AHCY: variants seen among roughly 807,000 people sequenced by gnomAD.
The protein encoded by AHCY is adenosylhomocysteinase.
Under a neutral mutation model 45.4 loss-of-function variants are expected in AHCY, and 24 were observed. The observed-to-expected ratio is 0.53, with a 90% confidence interval of 0.38 to 0.74. The LOEUF is 0.74. Ranked by LOEUF, AHCY falls within the 30% of genes least tolerant of loss-of-function variation. The pLI is 0.00. For synonymous variants in AHCY, 245 were observed against 235.1 expected, an observed-to-expected ratio of 1.04 and a Z score of -0.39; for missense variants, 449 against 594.1, an observed-to-expected ratio of 0.76 and a Z score of 2.54.
At chr20:34,274,107 T>C in the AHCY span, among the ~76,000 whole-genome samples, 2 of 152,210 alleles carry the variant, frequency 1.3e-5, no homozygotes, top group African/African-American at 4.8e-5. Context: ...TCGTGGACTC[T>C]ATGGCTGTAT....
chr20:34,269,946 TAAAAAAAAAAAAAAAAAAAAAAAAA>T, the AHCY span, among the ~76,000 whole-genome samples: 3 of 59,236 alleles, frequency 5.1e-5, no homozygotes, highest in African/African-American at 9.0e-5. Context: ...AACTCTGTCT[TAAAAAAAAAAAAAAAAAAAAAAAAA>T]AAAAAAAACA....
chr20:34,303,419 G>A, upstream of AHCY: 1 of 1,201,240 alleles, frequency 8.3e-7, no homozygotes, highest in Non-Finnish European at 1.2e-6. Flanking sequence ...TGACCCGCTG[G>A]GGCGGGGCCC....
chr20:34,275,334 G>A (rs996509985), downstream of AHCY, among the ~76,000 whole-genome samples: 1 of 151,988 alleles, frequency 6.6e-6, no homozygotes. Context: ...GTTTCACCAC[G>A]TTGGCCAGGC....
intron 9 of AHCY, 22 bp from the exon 10 acceptor site, chr20:34,281,187 C>T (rs1206035685): frequency 6.2e-7 from 1 of 1,611,916 alleles, no homozygotes; most frequent in Non-Finnish European, 8.5e-7. Flanking sequence ...CAAAGGAAGA[C>T]CGGGAATCAG....
At chr20:34,300,117 G>C (rs187315273) in intron 1 of AHCY, among the ~76,000 whole-genome samples, 1 of 152,078 alleles carries the variant, frequency 6.6e-6, no homozygotes, top group Non-Finnish European at 1.5e-5. Flanking sequence ...CCTGGGAGGC[G>C]GAGGTGGCAG....
At chr20:34,270,946 C>A in the AHCY span, among the ~76,000 whole-genome samples, 1 of 151,658 alleles carries the variant, frequency 6.6e-6, no homozygotes, top group East Asian at 1.9e-4. Context: ...ACATGAGCCA[C>A]TGGGCCCAGC....
At chr20:34,302,770 C>T in intron 1 of AHCY, 1 of 992,540 alleles carries the variant, frequency 1.0e-6, no homozygotes, top group Non-Finnish European at 1.2e-6. Flanking sequence ...CGGCCTGGGG[C>T]TCGCTTTCCA....
At chr20:34,238,631 G>T in the AHCY span, among the ~76,000 whole-genome samples, 2 of 151,520 alleles carry the variant, frequency 1.3e-5, no homozygotes, top group Non-Finnish European at 2.9e-5. Context: ...TAATATATTT[G>T]TCTAGTAGGT....
the AHCY span, among the ~76,000 whole-genome samples, chr20:34,252,355 G>C: frequency 2.0e-5 from 3 of 152,170 alleles, no homozygotes; most frequent in Non-Finnish European, 1.5e-5. Flanking sequence ...GAGAAGGTCA[G>C]CAGGGAAACA....
rs2036550365 is a variant in AHCY at position 34,295,541 on chromosome 20, C to T, written c.73G>A (p.Ala25Thr). The T allele has an allele frequency of 6.2e-7, 1 of 1,614,050 alleles. No individual in the cohort carries two copies. The highest frequency in any genetic ancestry group is 1.3e-5 in the African/African-American group (1 of 74,952). The change falls in exon 2 of 10, where the codon GCT becomes ACT. Residue 25 changes from alanine to threonine, a missense_variant. Ala to Thr is a moderately conservative substitution (Grantham distance 58, BLOSUM62 0). Transcript: ENST00000217426. ...AAWGRKALDIAENEMPGLMRM... is the reference protein window; with the variant it reads ...AAWGRKALDITENEMPGLMRM... ...ATCAGGCCCGGCATCTCGTTCTCAG[C>T]AATGTCCAGGGCCTTGCGTCCCCAG...
chr20:34,263,858 A>T, the AHCY span, among the ~76,000 whole-genome samples: 1 of 151,684 alleles, frequency 6.6e-6, no homozygotes, highest in African/African-American at 2.4e-5. Flanking sequence ...TTTAGTAGAG[A>T]TGGGGTTTCG....
the AHCY span, among the ~76,000 whole-genome samples, chr20:34,254,610 C>G: frequency 1.3e-5 from 2 of 152,150 alleles, no homozygotes; most frequent in Non-Finnish European, 2.9e-5. Context: ...ATTCATCCTG[C>G]CTATTATGAA....
the AHCY span, among the ~76,000 whole-genome samples, chr20:34,260,813 T>G: frequency 1.3e-5 from 2 of 152,316 alleles, no homozygotes; most frequent in Admixed American, 1.3e-4. Context: ...TTTCTGAAAC[T>G]TAATGAATCA....
At chr20:34,269,946 T>TAAAAAAAAAA in the AHCY span, among the ~76,000 whole-genome samples, 12 of 59,234 alleles carry the variant, frequency 2.0e-4, no homozygotes, top group African/African-American at 8.1e-4. Flanking sequence ...AACTCTGTCT[T>TAAAAAAAAAA]AAAAAAAAAA....
chr20:34,292,988 G>C (rs952857128), intron 3 of AHCY, among the ~76,000 whole-genome samples: 7 of 152,142 alleles, frequency 4.6e-5, no homozygotes, highest in African/African-American at 1.7e-4. Context: ...TGCACTGAAA[G>C]GACTGGAGCA....
intron 8 of AHCY, among the ~76,000 whole-genome samples, chr20:34,288,529 T>C (rs572971557): frequency 6.6e-6 from 1 of 152,156 alleles, no homozygotes; most frequent in African/African-American, 2.4e-5. Flanking sequence ...TAGCCAGGTG[T>C]AGTAGTGCAC....
intron 1 of AHCY, among the ~76,000 whole-genome samples, chr20:34,309,259 C>T (rs527320573): frequency 2.6e-5 from 4 of 152,122 alleles, no homozygotes; most frequent in East Asian, 1.9e-4. Flanking sequence ...CACGCCTGGC[C>T]GGATTTATCT....
the AHCY span, among the ~76,000 whole-genome samples, chr20:34,273,214 T>G: frequency 7.8e-6 from 1 of 128,076 alleles, no homozygotes; most frequent in African/African-American, 2.6e-5. Context: ...TTTGCCCTTG[T>G]GGTGACCCTT....
At position 34,293,720 on chromosome 20, in the gene AHCY, G is replaced by A. The variant is rs754047755; in HGVS notation, c.295+361C>T. 3.5e-5 allele frequency: 13 copies of A among 372,734 alleles called. No homozygotes were observed. The East Asian group carries it at 4.1e-4, about 12-fold the overall frequency. The allele number at this position is 372,734 out of a possible 1,614,324, so 23.1% of individuals were successfully genotyped here. ...TGGTCCTTCCTCAGTCCTTTAGACC[G>A]CCATACCCTAGGCAGTGAACCTCTT... On this transcript the variant is annotated intron_variant, in intron 3 of 9. Transcript: ENST00000217426.
Sources: gnomAD v4.1 joint callset for allele counts (sites outside exome capture counted in the v4.1 genomes callset) on GRCh38, gnomAD v4.1.1 for gene constraint, MANE v1.5 for transcripts, NCBI Gene and HGNC (gene_info 2026-07-23, HGNC 2026-07-21) for gene names.